Variants in EPHA4 observed in about 807,000 individuals in gnomAD.
EPHA4 encodes ephrin type-A receptor 4.
In EPHA4, 19 loss-of-function variants were observed where a neutral mutation model predicts 108.3. That is an observed-to-expected ratio of 0.18 (90% CI 0.12 to 0.26). The LOEUF is 0.26. EPHA4 is among the 10% of genes least tolerant of loss of function. The probability of loss-of-function intolerance (pLI) is 1.00; values close to 1 mark genes in which losing one functional copy is unlikely to be tolerated. For synonymous variants in EPHA4, 449 were observed against 455.5 expected, an observed-to-expected ratio of 0.99 and a Z score of 0.18; for missense variants, 917 against 1,254.0, an observed-to-expected ratio of 0.73 and a Z score of 4.06.
At chr2:221,553,761 G>A (rs1415916098) in intron 3 of EPHA4, among the ~76,000 whole-genome samples, 1 of 152,126 alleles carries the variant, frequency 6.6e-6, no homozygotes, top group Non-Finnish European at 1.5e-5. Context: ...TGAACAGTAT[G>A]AAAAAAATCC....
rs1018173932 is a variant in EPHA4 at position 221,433,121 on chromosome 2, G to C, written c.2496+1021C>G. 1.3e-5 allele frequency among the ~76,000 whole-genome samples: 2 copies of C among 152,254 alleles called. 1 individual carries two copies. The highest frequency in any genetic ancestry group is 4.1e-4 in the South Asian group (2 of 4,822). ...TTACAGGCGTGAGCCACAGGGCCCG[G>C]CCTGCATTGAACATTCTTTAATTGA... On this transcript the variant is annotated intron_variant, in intron 14 of 17. Transcript: ENST00000281821.
intron 17 of EPHA4, among the ~76,000 whole-genome samples, chr2:221,424,590 A>G (rs868841765): frequency 6.6e-6 from 1 of 152,180 alleles, no homozygotes; most frequent in African/African-American, 2.4e-5. Flanking sequence ...ATTGAAAGCT[A>G]ATAGGTTTAT....
chr2:221,436,062 T>C lies in EPHA4; in HGVS notation c.2346+337A>G, dbSNP rs1690223071. On this transcript the variant is annotated intron_variant, in intron 13 of 17. Coordinates refer to ENST00000281821, the MANE Select transcript of EPHA4 (RefSeq NM_004438.5). Reference sequence around the variant, plus strand: ...GATCATTTGTTGTGTAAACTGATCCTTAATGCTTGCTTCTCAGCTCATTTT... The same window carrying C: ...GATCATTTGTTGTGTAAACTGATCCCTAATGCTTGCTTCTCAGCTCATTTT... Among the ~76,000 whole-genome samples the C allele has an allele frequency of 2.0e-5, 3 of 152,188 alleles. No homozygotes were observed. In the South Asian group the frequency reaches 6.2e-4, roughly 32 times the overall value.
At chr2:221,510,093 A>G (rs1377491549) in intron 3 of EPHA4, among the ~76,000 whole-genome samples, 2 of 152,194 alleles carry the variant, frequency 1.3e-5, no homozygotes, top group Non-Finnish European at 2.9e-5. Context: ...GCAAGAGGGG[A>G]AGATGGAAAT....
chr2:221,572,548 G>C (rs1290907960), upstream of EPHA4: 1 of 230,718 alleles, frequency 4.3e-6, no homozygotes, highest in African/African-American at 2.3e-5. Context: ...GGGAGCCAGC[G>C]GGATCCCCCA....
intron 2 of EPHA4, among the ~76,000 whole-genome samples, chr2:221,564,864 C>A (rs1694577654): frequency 8.5e-6 from 1 of 117,280 alleles, no homozygotes; most frequent in African/African-American, 3.4e-5. Flanking sequence ...GTGCTCCTGT[C>A]AGAACTTTGC....
chr2:221,540,304 G>A (rs1693795978), intron 3 of EPHA4, among the ~76,000 whole-genome samples: 1 of 152,118 alleles, frequency 6.6e-6, no homozygotes, highest in Non-Finnish European at 1.5e-5. Context: ...AAATTTCCAC[G>A]TGCAAAACAA....
chr2:221,497,735 CA>C (rs567455212), intron 4 of EPHA4, among the ~76,000 whole-genome samples: 3 of 143,600 alleles, frequency 2.1e-5, no homozygotes, highest in Admixed American at 1.4e-4. Flanking sequence ...GACTCCATCT[CA>C]AAAAAAAAAT....
rs371091252 is a variant in EPHA4, at chr2:221,478,526, G to C, written c.1318+3826C>G. On this transcript the variant is annotated intron_variant, in intron 5 of 17. Coordinates refer to ENST00000281821, the MANE Select transcript of EPHA4 (RefSeq NM_004438.5). ...CTGTAATGTAGAAAAGTAACTATTGGGGGAGCTCCAAGAGCTTCCTCTTCT... is the reference window on the plus strand; with the variant it reads ...CTGTAATGTAGAAAAGTAACTATTGCGGGAGCTCCAAGAGCTTCCTCTTCT... Among the ~76,000 whole-genome samples, 54 of 152,220 alleles carry C rather than the reference G, an allele frequency of 3.5e-4. 1 individual carries two copies. In the East Asian group the frequency reaches 6.4e-3, roughly 18 times the overall value.
At chr2:221,455,876 C>T (rs561760006) in intron 7 of EPHA4, among the ~76,000 whole-genome samples, 4 of 151,990 alleles carry the variant, frequency 2.6e-5, no homozygotes, top group Non-Finnish European at 5.9e-5. Flanking sequence ...CTCCTTGTAC[C>T]CTTGCTGGAT....
intron 5 of EPHA4, among the ~76,000 whole-genome samples, chr2:221,465,608 G>C (rs1427145312): frequency 6.6e-6 from 1 of 152,082 alleles, no homozygotes; most frequent in Non-Finnish European, 1.5e-5. Flanking sequence ...TCATGTGACT[G>C]AGTTTTGGGT....
intron 3 of EPHA4, among the ~76,000 whole-genome samples, chr2:221,505,890 C>A (rs900313821): frequency 3.3e-5 from 5 of 152,276 alleles, no homozygotes; most frequent in Admixed American, 2.6e-4. Flanking sequence ...CTGCTCTCAA[C>A]CAGCTAGGTA....
At chr2:221,430,712 A>G (rs1453891532) in intron 14 of EPHA4, among the ~76,000 whole-genome samples, 1 of 152,162 alleles carries the variant, frequency 6.6e-6, no homozygotes, top group Non-Finnish European at 1.5e-5. Flanking sequence ...CTCTACCCCT[A>G]GACACCAACT....
At position 221,522,813 on chromosome 2, in the gene EPHA4, A is replaced by C. The variant is rs1298967081; in HGVS notation, c.824-21641T>G. ...AGTCTCCCTCAGTTGCCCAGGCTGGAGTGCAGTGGTGCAATCTCGGCTCAC... is the reference window on the plus strand; with the variant it reads ...AGTCTCCCTCAGTTGCCCAGGCTGGCGTGCAGTGGTGCAATCTCGGCTCAC... On this transcript the variant is annotated intron_variant, in intron 3 of 17. Coordinates refer to ENST00000281821, the MANE Select transcript of EPHA4 (RefSeq NM_004438.5). Among the ~76,000 whole-genome samples, 3 of 151,294 alleles carry C rather than the reference A, an allele frequency of 2.0e-5. No individual in the cohort carries two copies. In the Admixed American group the frequency reaches 2.0e-4, roughly 10 times the overall value.
chr2:221,438,151 A>G (rs1014047955), intron 11 of EPHA4, among the ~76,000 whole-genome samples: 1 of 152,074 alleles, frequency 6.6e-6, no homozygotes, highest in African/African-American at 2.4e-5. Flanking sequence ...CAATACTAGA[A>G]CATCCTTATT....
intron 4 of EPHA4, among the ~76,000 whole-genome samples, chr2:221,499,212 GAAATAATATAAAATAT>G (rs1378985218): frequency 6.8e-6 from 1 of 146,768 alleles, no homozygotes; most frequent in Non-Finnish European, 1.5e-5. Flanking sequence ...ATATAAAATA[GAAATAATATAAAATAT>G]AAATATAATA....
intron 14 of EPHA4, among the ~76,000 whole-genome samples, chr2:221,432,692 G>A (rs1217023533): frequency 6.7e-6 from 1 of 150,286 alleles, no homozygotes; most frequent in Non-Finnish European, 1.5e-5. Context: ...GGCCCAGGCT[G>A]AATTACAGTG....
intron 4 of EPHA4, among the ~76,000 whole-genome samples, chr2:221,491,653 A>G: frequency 6.6e-6 from 1 of 152,142 alleles, no homozygotes; most frequent in Non-Finnish European, 1.5e-5. Context: ...GATGATGGCT[A>G]GCTAGTACTA....
chr2:221,438,699 C>T (rs1690323511), intron 11 of EPHA4, among the ~76,000 whole-genome samples: 1 of 151,988 alleles, frequency 6.6e-6, no homozygotes, highest in Admixed American at 6.6e-5. Flanking sequence ...ACAAGAGAAT[C>T]ACTTGAGCCC....
Sources: gnomAD v4.1 joint callset for allele counts (sites outside exome capture counted in the v4.1 genomes callset) on GRCh38, gnomAD v4.1.1 for gene constraint, MANE v1.5 for transcripts, NCBI Gene and HGNC (gene_info 2026-07-23, HGNC 2026-07-21) for gene names.